Variants in GEMIN4 observed in about 807,000 individuals in gnomAD.
The protein encoded by GEMIN4 is gem nuclear organelle associated protein 4.
In GEMIN4, 59 loss-of-function variants were observed where a neutral mutation model predicts 76.8. The observed-to-expected ratio is 0.77, with a 90% CI of 0.62 to 0.95. The LOEUF is 0.95. Among genes scored for constraint, GEMIN4 ranks in the 40% least tolerant of loss-of-function variants. GEMIN4 has a pLI of 0.00. For synonymous variants in GEMIN4, 562 were observed against 559.7 expected (o/e 1.00, Z -0.06); for missense variants, 1,311 against 1,318.9 (o/e 0.99, Z 0.09).
chr17:746,990 A>G lies in GEMIN4; in HGVS notation c.1053T>C (p.Ser351=). 1 of 1,613,108 alleles carries G rather than the reference A, an allele frequency of 6.2e-7. No homozygotes were observed. The highest frequency in any genetic ancestry group is 8.5e-7 in the Non-Finnish European group (1 of 1,179,720). Reference sequence around the variant, plus strand: ...TCGCGTTCTGGCTGAAGGAAGTCAGACTGTCGCACAGCCGGTAGCTGTCGT... The same window carrying G: ...TCGCGTTCTGGCTGAAGGAAGTCAGGCTGTCGCACAGCCGGTAGCTGTCGT... ...TSYDSYRLCD[S]LTSFSQNATL... Residue 351 remains serine (S), a synonymous_variant, in exon 2 of 2, where the codon AGT becomes AGC. Coordinates refer to ENST00000319004, the MANE Select transcript of GEMIN4 (RefSeq NM_015721.3). The surrounding 1 kb of genome is among the most constrained non-coding windows in gnomAD (Gnocchi z 4.3).
chr17:745,286 G>T lies in GEMIN4; in HGVS notation c.2757C>A (p.Phe919Leu). ...LQLSVLFLRT[F>L]QFLCSHSCRD... Reference sequence around the variant, plus strand: ...GACAGCTATGGCTGCAGAGAAACTGGAAAGTCCTCAGGAAGAGGACGGAGA... The same window carrying T: ...GACAGCTATGGCTGCAGAGAAACTGTAAAGTCCTCAGGAAGAGGACGGAGA... Residue 919 changes from phenylalanine to leucine, a missense_variant, in exon 2 of 2, where the codon TTC (phenylalanine) becomes TTA (leucine). Physicochemically the swap from Phe to Leu is conservative, Grantham distance 22. Around this residue, in one of 2 missense-constraint regions of GEMIN4, gnomAD observed 1,208 missense variants for 1,166.9 expected, o/e 1.04. Transcript: ENST00000319004. This position sits in a 1 kb window ranked among gnomAD's most constrained non-coding sequence, Gnocchi z 4.6. 6.2e-7 allele frequency: 1 copy of T among 1,612,136 alleles called. No individual in the cohort carries two copies. The highest frequency in any genetic ancestry group is 1.1e-5 in the South Asian group (1 of 90,922).
rs190024266 is a variant in GEMIN4 at position 744,976 on chromosome 17, T to G, written c.3067A>C (p.Ser1023Arg). The G allele has an allele frequency of 2.2e-4, 347 of 1,613,930 alleles. 3 individuals carry two copies. In the East Asian group the frequency reaches 7.5e-3, roughly 35 times the overall value. ...TCGTGTGCCCTCTGGAGCAAGGAGC[T>G]GACAGAAGGGTTGGTCTTGCTCAAA... ...ETLSKTNPSVSSLLQRAHEQR... is the reference protein window; with the variant it reads ...ETLSKTNPSVRSLLQRAHEQR... The change falls in exon 2 of 2, where the codon AGC (serine) becomes CGC (arginine). Residue 1023 changes from serine to arginine, a missense_variant. Coordinates refer to ENST00000319004, the MANE Select transcript of GEMIN4 (RefSeq NM_015721.3).
chr17:752,532 G>T, upstream of GEMIN4: 1 of 456,942 alleles, frequency 2.2e-6, no homozygotes, highest in Non-Finnish European at 3.1e-6. Context: ...CACCCCCACC[G>T]AGCGCCTCCC....
Position 745,210 on chromosome 17 carries a change from C to T in GEMIN4, c.2833G>A (p.Gly945Ser). ...GWNHVVKLLC[G>S]SLTRLLDSVR... ...GAGTCCAGGAGGCGGGTCAGACTGC[C>T]ACAGAGGAGTTTGACCACGTGGTTC... Residue 945 changes from glycine (G) to serine (S), a missense_variant, in exon 2 of 2, where the codon GGC becomes AGC. Gly to Ser is a moderately conservative substitution (Grantham distance 56). Coordinates refer to ENST00000319004, the MANE Select transcript of GEMIN4 (RefSeq NM_015721.3). The surrounding 1 kb of genome is among the most constrained non-coding windows in gnomAD (Gnocchi z 4.6). The T allele has an allele frequency of 1.2e-6, 2 of 1,608,414 alleles. No individual in the cohort carries two copies. The highest frequency in any genetic ancestry group is 1.7e-6 in the Non-Finnish European group (2 of 1,177,780).
In GEMIN4 at chr17:747,452, G is replaced by C. The variant is rs1031949326; in HGVS notation, c.591C>G (p.Pro197=). ...HKYLPALDEF[P]HPPKRLRSDP... ...CTGACCTAAGCCTCTTTGGAGGATGGGGGAACTCATCTAAGGCAGGCAGGT... is the reference window on the plus strand; with the variant it reads ...CTGACCTAAGCCTCTTTGGAGGATGCGGGAACTCATCTAAGGCAGGCAGGT... Residue 197 remains proline, a synonymous_variant, in exon 2 of 2, where the codon CCC becomes CCG. Coordinates refer to ENST00000319004, the MANE Select transcript of GEMIN4 (RefSeq NM_015721.3). 2 of 1,613,764 alleles carry C rather than the reference G, an allele frequency of 1.2e-6. No homozygotes were observed. The highest frequency in any genetic ancestry group is 4.5e-5 in the East Asian group (2 of 44,880).
Position 745,006 on chromosome 17 carries a change from C to G in GEMIN4, c.3037G>C (p.Glu1013Gln). Residue 1013 changes from glutamate (E) to glutamine (Q), a missense_variant, in exon 2 of 2, where the codon GAG becomes CAG. Coordinates refer to ENST00000319004, the MANE Select transcript of GEMIN4 (RefSeq NM_015721.3). The surrounding 1 kb of genome is among the most constrained non-coding windows in gnomAD (Gnocchi z 4.6). ...VLALETLTCYETLSKTNPSVS... is the reference protein window; with the variant it reads ...VLALETLTCYQTLSKTNPSVS... ...GAAGGGTTGGTCTTGCTCAAAGTCT[C>G]ATAGCAGGTGAGGGTTTCCAAGGCT... 6.2e-7 allele frequency: 1 copy of G among 1,613,960 alleles called. No homozygotes were observed.
In GEMIN4 at chr17:747,224, G is replaced by A. The variant is rs368902706; in HGVS notation, c.819C>T (p.Ile273=). ...TVYLDKLATV[I]SVWNSDTQNP... is the part of the protein sequence containing the mutation. ...TCTGGGTGTCCGAGTTCCACACAGA[G>A]ATCACCGTGGCCAGTTTGTCCAGAT... Residue 273 remains isoleucine (I), a synonymous_variant, in exon 2 of 2, where the codon ATC becomes ATT. Coordinates refer to ENST00000319004, the MANE Select transcript of GEMIN4 (RefSeq NM_015721.3). 4 of 1,613,850 alleles carry A rather than the reference G, an allele frequency of 2.5e-6. No homozygotes were observed. Among genetic ancestry groups the A allele is most frequent in the East Asian group, 4.5e-5 (2 of 44,880 alleles).
At position 745,828 on chromosome 17, in the gene GEMIN4, T is replaced by G; in HGVS notation, c.2215A>C (p.Ile739Leu). The G allele has an allele frequency of 1.9e-6, 3 of 1,613,020 alleles. No homozygotes were observed. Among genetic ancestry groups the G allele is most frequent in the South Asian group, 2.2e-5 (2 of 91,024 alleles). The change falls in exon 2 of 2, where the codon ATT (isoleucine) becomes CTT (leucine). Residue 739 changes from isoleucine (I) to leucine (L), a missense_variant. Physicochemically the swap from Ile to Leu is conservative, Grantham distance 5 (BLOSUM62 2). Around this residue, in one of 2 missense-constraint regions of GEMIN4, gnomAD observed 1,208 missense variants for 1,166.9 expected, o/e 1.04. Coordinates refer to ENST00000319004, the MANE Select transcript of GEMIN4 (RefSeq NM_015721.3). This position sits in a 1 kb window ranked among gnomAD's most constrained non-coding sequence, Gnocchi z 4.6. The part of the protein sequence containing the change: ...AIHILELLCE[I>L]VSANAETFSP... ...AAGGTCTCAGCATTGGCTGATACAATCTCACACAGGAGCTCCAGGATATGG... is the reference window on the plus strand; with the variant it reads ...AAGGTCTCAGCATTGGCTGATACAAGCTCACACAGGAGCTCCAGGATATGG...
chr17:752,318 A>C, upstream of GEMIN4: 2 of 1,220,988 alleles, frequency 1.6e-6, no homozygotes, highest in Non-Finnish European at 2.0e-6. Context: ...CGCAGTCCTC[A>C]CGAACGAGCG....
chr17:752,157 C>A lies in GEMIN4; in HGVS notation c.-15G>T. ...CCTAGGTCCATGGCGGCGACGCCGGCGGCTGCGCGGGGCTAACGCCCCCTC... is the reference window on the plus strand; with the variant it reads ...CCTAGGTCCATGGCGGCGACGCCGGAGGCTGCGCGGGGCTAACGCCCCCTC... On this transcript the variant is annotated 5_prime_UTR_variant, in exon 1 of 2. Transcript: ENST00000319004. The A allele has an allele frequency of 8.1e-7, 1 of 1,235,364 alleles. No homozygotes were observed. The highest frequency in any genetic ancestry group is 1.0e-6 in the Non-Finnish European group (1 of 989,044). 76.5% of individuals were successfully genotyped at this position (1,235,364 alleles called of 1,614,324 possible). A position where few individuals can be genotyped will look rare whatever the true frequency, so the allele number is the denominator to read the frequency against.
intron 1 of GEMIN4, 121 bp downstream of exon 1, chr17:752,012 G>T: frequency 1.5e-6 from 1 of 682,072 alleles, no homozygotes; most frequent in South Asian, 7.4e-5. Context: ...GCCCCGACGC[G>T]GGGGACGTTT....
At position 752,120 on chromosome 17, in the gene GEMIN4, C is replaced by G. The variant is rs752156047; in HGVS notation, c.10+13G>C. ...CTGGACGCAGCCCGGGGCCGGGGAG[C>G]CGCGGCACCCACCTAGGTCCATGGC... On this transcript the variant is annotated intron_variant, in intron 1 of 1. Transcript: ENST00000319004. 10 of 1,236,566 alleles carry G rather than the reference C, an allele frequency of 8.1e-6. No individual in the cohort carries two copies. The highest frequency in any genetic ancestry group is 1.0e-5 in the Non-Finnish European group (10 of 989,446). The allele number at this position is 1,236,566 out of a possible 1,614,324, so 76.6% of individuals were successfully genotyped here.
intron 1 of GEMIN4, chr17:748,570 G>A: frequency 5.5e-6 from 1 of 180,938 alleles, no homozygotes; most frequent in Non-Finnish European, 1.2e-5. Flanking sequence ...TAGGAGGACA[G>A]TACAAACTAC....
In GEMIN4 at chr17:747,732, A is replaced by G. The variant is rs878873050; in HGVS notation, c.311T>C (p.Ile104Thr). 1.3e-6 allele frequency: 2 copies of G among 1,599,368 alleles called. No individual in the cohort carries two copies. The highest frequency in any genetic ancestry group is 1.7e-6 in the Non-Finnish European group (2 of 1,173,728). The change falls in exon 2 of 2, where the codon ATC becomes ACC. Residue 104 changes from isoleucine to threonine, a missense_variant. This residue lies in a region of GEMIN4 where 103 missense variants were observed against 152.0 expected (regional missense o/e 0.68). Transcript: ENST00000319004. ...GAGGATGGTGTGGTTGATGGTGGGG[A>G]TCATGTTGCCCACCGAGAAGAACAG... ...EDLFFSVGNM[I>T]PTINHTILFE... is the part of the protein sequence containing the mutation.
chr17:747,506 G>C lies in GEMIN4; in HGVS notation c.537C>G (p.Leu179=). Residue 179 remains leucine (L), a synonymous_variant, in exon 2 of 2, where the codon CTC becomes CTG. Transcript: ENST00000319004. The part of the protein sequence containing the change: ...KHKGHPQDPL[L]SQFSAMAHKY... The stretch of plus-strand genomic sequence containing the variant: ...TATGGGCCATTGCACTAAACTGGGA[G>C]AGCAGGGGGTCCTGCGGGTGACCCT... The C allele has an allele frequency of 1.2e-6, 2 of 1,613,810 alleles. No homozygotes were observed. The highest frequency in any genetic ancestry group is 1.7e-6 in the Non-Finnish European group (2 of 1,179,854).
chr17:750,122 G>T, intron 1 of GEMIN4: 1 of 344,918 alleles, frequency 2.9e-6, no homozygotes, highest in Non-Finnish European at 4.1e-6. Context: ...TTGGGGGGCT[G>T]AGGCAGGTGG....
At position 746,686 on chromosome 17, in the gene GEMIN4, A is replaced by C. The variant is rs1455110708; in HGVS notation, c.1357T>G (p.Leu453Val). 6.2e-7 allele frequency: 1 copy of C among 1,613,554 alleles called. No individual in the cohort carries two copies. Among genetic ancestry groups the C allele is most frequent in the Non-Finnish European group, 8.5e-7 (1 of 1,179,866 alleles). The change falls in exon 2 of 2, where the codon TTG becomes GTG. Residue 453 changes from leucine to valine, a missense_variant. Physicochemically the swap from Leu to Val is conservative, Grantham distance 32. Transcript: ENST00000319004. The surrounding 1 kb of genome is among the most constrained non-coding windows in gnomAD (Gnocchi z 4.3). ...SNRALFRQPD[L>V]VLRLLETVID... ...ACTGTTTCCAGCAGCCTCAACACCAAGTCTGGCTGTCGGAAGAGGGCCCTG... is the reference window on the plus strand; with the variant it reads ...ACTGTTTCCAGCAGCCTCAACACCACGTCTGGCTGTCGGAAGAGGGCCCTG...
upstream of GEMIN4, chr17:752,642 G>C: frequency 9.9e-7 from 1 of 1,008,870 alleles, no homozygotes; most frequent in Non-Finnish European, 1.2e-6. Flanking sequence ...CTCCTGCCGC[G>C]CCGCCCCCTC....
At position 746,386 on chromosome 17, in the gene GEMIN4, C is replaced by G; in HGVS notation, c.1657G>C (p.Val553Leu). The G allele has an allele frequency of 6.2e-7, 1 of 1,613,826 alleles. No individual in the cohort carries two copies. The highest frequency in any genetic ancestry group is 1.3e-5 in the African/African-American group (1 of 75,020). Residue 553 changes from valine (V) to leucine (L), a missense_variant, in exon 2 of 2, where the codon GTC becomes CTC. By Grantham distance (32) the Val-to-Leu change is conservative (BLOSUM62 1). This residue lies in a region of GEMIN4 where 1,208 missense variants were observed against 1,166.9 expected (regional missense o/e 1.04). Transcript: ENST00000319004. This position sits in a 1 kb window ranked among gnomAD's most constrained non-coding sequence, Gnocchi z 4.3. ...AKAVASVARLVIVHPEVTVKK... is the reference protein window; with the variant it reads ...AKAVASVARLLIVHPEVTVKK... ...ACCGTGACTTCCGGGTGCACTATGA[C>G]CAGGCGGGCCACGGAGGCCACAGCT...
Sources: gnomAD v4.1 joint callset for allele counts on GRCh38, gnomAD v4.1.1 for gene constraint, gnomAD v4.1.1 regional missense constraint, Gnocchi (gnomAD v3.1) non-coding constraint, MANE v1.5 for transcripts, NCBI Gene and HGNC (gene_info 2026-07-23, HGNC 2026-07-21) for gene names.